The following ERGIC1 variants were observed in gnomAD, a reference collection of about 807,000 sequenced individuals.
The protein encoded by ERGIC1 is endoplasmic reticulum-Golgi intermediate compartment protein 1.
A neutral mutation model predicts 38.3 loss-of-function variants in ERGIC1; 19 were observed. The observed-to-expected ratio is 0.50, with a 90% CI of 0.35 to 0.73. The LOEUF (loss-of-function observed/expected upper bound fraction) is 0.73. ERGIC1 is among the 30% of genes least tolerant of loss of function. The pLI is 0.01. For missense variants in ERGIC1, 294 were observed against 389.2 expected (o/e 0.76, Z 2.06); for synonymous variants, 124 against 157.6 (o/e 0.79, Z 1.60).
At chr5:172,852,637 G>A (rs1761438802) in intron 1 of ERGIC1, among the ~76,000 whole-genome samples, 1 of 152,220 alleles carries the variant, frequency 6.6e-6, no homozygotes, top group Non-Finnish European at 1.5e-5. Context: ...GTGTTGAATA[G>A]TAAATGAGCA....
chr5:172,900,959 G>A (rs1412223550), intron 3 of ERGIC1, among the ~76,000 whole-genome samples: 3 of 152,194 alleles, frequency 2.0e-5, no homozygotes, highest in African/African-American at 4.8e-5. Flanking sequence ...CAGAGCAATC[G>A]AGAGGAGAAA....
chr5:172,860,536 T>C (rs1761670796), intron 1 of ERGIC1, among the ~76,000 whole-genome samples: 1 of 152,226 alleles, frequency 6.6e-6, no homozygotes, highest in South Asian at 2.1e-4. Context: ...CCTCACTGCA[T>C]GCACGGGAGC....
chr5:172,937,751 T>G (rs922598038), intron 9 of ERGIC1: 1 of 152,066 alleles, frequency 6.6e-6, no homozygotes, highest in African/African-American at 2.4e-5. Context: ...CACCTGTAAT[T>G]CCAGGACTTT....
intron 1 of ERGIC1, among the ~76,000 whole-genome samples, chr5:172,841,970 C>G (rs1376980173): frequency 6.6e-6 from 1 of 152,174 alleles, no homozygotes; most frequent in East Asian, 1.9e-4. Context: ...CTCTATCACC[C>G]CTCACATCTC....
intron 9 of ERGIC1, among the ~76,000 whole-genome samples, chr5:172,942,017 A>G (rs1012374926): frequency 5.3e-5 from 8 of 152,152 alleles, no homozygotes; most frequent in Admixed American, 5.2e-4. Flanking sequence ...CCAGCCTAAC[A>G]TGGTGAAACC....
chr5:172,841,137 G>A lies in ERGIC1; in HGVS notation c.20+6704G>A, dbSNP rs76917736. Among the ~76,000 whole-genome samples the A allele has an allele frequency of 2.1e-3, 313 of 152,286 alleles. 2 individuals are homozygous for A. The highest frequency in any genetic ancestry group is 3.6e-3 in the Non-Finnish European group (244 of 68,026). Reference sequence around the variant, plus strand: ...CAATTAGCCTAATTGTCTGTTGTCAGCTTTAACTTTTAGGTCTATTAACTT... The same window carrying A: ...CAATTAGCCTAATTGTCTGTTGTCAACTTTAACTTTTAGGTCTATTAACTT... On this transcript the variant is annotated intron_variant, in intron 1 of 9. Transcript: ENST00000393784.
chr5:172,933,354 T>A (rs1763818759), intron 8 of ERGIC1: 1 of 152,230 alleles, frequency 6.6e-6, no homozygotes. Flanking sequence ...GGGCTAGACA[T>A]GCTAAGCTCT....
chr5:172,912,775 C>CTT (rs577088242), intron 4 of ERGIC1, among the ~76,000 whole-genome samples: 17 of 146,168 alleles, frequency 1.2e-4, no homozygotes, highest in Admixed American at 2.0e-4. Flanking sequence ...TTCTTTCTTT[C>CTT]TTTTTTTTTT....
intron 1 of ERGIC1, among the ~76,000 whole-genome samples, chr5:172,859,161 G>T (rs1761632330): frequency 6.6e-6 from 1 of 152,146 alleles, no homozygotes; most frequent in African/African-American, 2.4e-5. Flanking sequence ...CCCTGTGCAT[G>T]CCAGTCCCCT....
chr5:172,950,610 T>C (rs1581595198), intron 9 of ERGIC1, 99 bp from the exon 10 acceptor site: 2 of 1,053,640 alleles, frequency 1.9e-6, no homozygotes, highest in East Asian at 2.5e-5. Flanking sequence ...AATGTCTGCC[T>C]TGCAGAGCCC....
At chr5:172,934,909 G>A (rs1763854599) in intron 8 of ERGIC1, 1 of 454,324 alleles carries the variant, frequency 2.2e-6, no homozygotes, top group Non-Finnish European at 4.1e-6. Context: ...TCCTTTTACA[G>A]CTCTGCTTTC....
chr5:172,940,200 C>G (rs1763979514), intron 9 of ERGIC1, among the ~76,000 whole-genome samples: 1 of 152,228 alleles, frequency 6.6e-6, no homozygotes, highest in African/African-American at 2.4e-5. Context: ...CAGGTTGCCC[C>G]CTCCAGGGTC....
Position 172,837,373 on chromosome 5 carries a change from T to C in ERGIC1, c.20+2940T>C, listed in dbSNP as rs1346182661. Among the ~76,000 whole-genome samples the C allele has an allele frequency of 6.6e-6, 1 of 152,202 alleles. No homozygotes were observed. The stretch of plus-strand genomic sequence containing the variant: ...CATCCATTTTGGCCGCCATATTTAT[T>C]TGTGTCATTTTATTTAAGCACCCAT... On this transcript the variant is annotated intron_variant, in intron 1 of 9. Transcript: ENST00000393784. The surrounding 1 kb of genome is among the most constrained non-coding windows in gnomAD (Gnocchi z 4.3).
rs1457255030 is a variant in ERGIC1, at chr5:172,914,580, C to T, written c.251-134C>T. The T allele has an allele frequency of 3.5e-6, 5 of 1,436,148 alleles. No homozygotes were observed. In the African/African-American group the frequency reaches 4.2e-5, roughly 12 times the overall value. The allele number at this position is 1,436,148 out of a possible 1,614,324, so 89.0% of individuals were successfully genotyped here. ...TCCCCTGTAGTCTTTGGACCCCAGACCATGAGCTCCTGGAGGTCCCCAGCC... is the reference window on the plus strand; with the variant it reads ...TCCCCTGTAGTCTTTGGACCCCAGATCATGAGCTCCTGGAGGTCCCCAGCC... On this transcript the variant is annotated intron_variant, in intron 4 of 9. Transcript: ENST00000393784.
intron 1 of ERGIC1, among the ~76,000 whole-genome samples, chr5:172,836,800 G>A (rs1286797356): frequency 1.3e-5 from 2 of 152,202 alleles, no homozygotes; most frequent in African/African-American, 2.4e-5. Flanking sequence ...CACGCAAGGA[G>A]CATCTACCAC....
rs1301131206 is a variant in ERGIC1 at position 172,846,328 on chromosome 5, A to G, written c.20+11895A>G. Reference sequence around the variant, plus strand: ...GCGCCTCTTTCTGCGCTGTCTGTGCAGGACGCCCAGCACTGGGCACTTTGA... The same window carrying G: ...GCGCCTCTTTCTGCGCTGTCTGTGCGGGACGCCCAGCACTGGGCACTTTGA... On this transcript the variant is annotated intron_variant, in intron 1 of 9. Coordinates refer to ENST00000393784, the MANE Select transcript of ERGIC1 (RefSeq NM_001031711.3). The surrounding 1 kb of genome is among the most constrained non-coding windows in gnomAD (Gnocchi z 4.0). Among the ~76,000 whole-genome samples the G allele has an allele frequency of 6.6e-6, 1 of 152,210 alleles. No homozygotes were observed. Among genetic ancestry groups the G allele is most frequent in the African/African-American group, 2.4e-5 (1 of 41,460 alleles).
At chr5:172,896,441 G>A (rs188464094) in intron 2 of ERGIC1, among the ~76,000 whole-genome samples, 2 of 152,350 alleles carry the variant, frequency 1.3e-5, no homozygotes, top group South Asian at 2.1e-4. Flanking sequence ...CAGGGGCACC[G>A]TGTGGATGGC....
chr5:172,903,714 C>T (rs1366976174), intron 3 of ERGIC1, among the ~76,000 whole-genome samples: 2 of 152,194 alleles, frequency 1.3e-5, no homozygotes, highest in East Asian at 3.8e-4. Flanking sequence ...ATTTGATCTT[C>T]TCAGCAACCC....
At chr5:172,893,896 T>TACAC (rs750015522) in intron 2 of ERGIC1, among the ~76,000 whole-genome samples, 3,140 of 40,230 alleles carry the variant, frequency 0.078, 381 homozygotes, top group African/African-American at 0.21. Context: ...TATATATATA[T>TACAC]ATATATATAT....
Sources: gnomAD v4.1 joint callset for allele counts (sites outside exome capture counted in the v4.1 genomes callset) on GRCh38, gnomAD v4.1.1 for gene constraint, Gnocchi (gnomAD v3.1) non-coding constraint, MANE v1.5 for transcripts, NCBI Gene and HGNC (gene_info 2026-07-23, HGNC 2026-07-21) for gene names.